Variants in RBFOX1 observed in about 807,000 individuals in gnomAD.
The protein encoded by RBFOX1 is RNA binding protein fox-1 homolog 1.
A neutral mutation model predicts 57.7 loss-of-function variants in RBFOX1; 8 were observed. That is an observed-to-expected ratio of 0.14 (90% CI 0.08 to 0.25). The LOEUF is 0.25. Ranked by LOEUF, RBFOX1 falls within the 10% of genes least tolerant of loss-of-function variation. The pLI is 1.00. For missense variants in RBFOX1, 611 were observed against 548.5 expected (o/e 1.11, Z -1.14); for synonymous variants, 326 against 222.4 (o/e 1.47, Z -4.15).
intron 5 of RBFOX1, among the ~76,000 whole-genome samples, chr16:7,561,578 CAT>C (rs970284962): frequency 3.9e-5 from 6 of 152,160 alleles, no homozygotes. Context: ...TGTTCAGAGA[CAT>C]ATCGGTGTTC....
intron 1 of RBFOX1, among the ~76,000 whole-genome samples, chr16:6,189,536 G>A (rs952362295): frequency 6.6e-6 from 1 of 152,316 alleles, no homozygotes; most frequent in Admixed American, 6.5e-5. Context: ...GATAGCTTAG[G>A]TGCGGGAGCA....
chr16:5,397,470 C>T (rs2066592154), intron 1 of RBFOX1, among the ~76,000 whole-genome samples: 1 of 152,214 alleles, frequency 6.6e-6, no homozygotes, highest in African/African-American at 2.4e-5. Context: ...TGGTACTTGC[C>T]AAGTCTATGG....
chr16:5,755,967 G>C (rs2053379622), intron 3 of RBFOX1, among the ~76,000 whole-genome samples: 1 of 152,150 alleles, frequency 6.6e-6, no homozygotes, highest in Admixed American at 6.5e-5. Flanking sequence ...GGAGCAGGCA[G>C]ACATCACAGT....
intron 14 of RBFOX1, among the ~76,000 whole-genome samples, chr16:7,693,589 A>G (rs1432646628): frequency 2.6e-5 from 4 of 152,138 alleles, no homozygotes; most frequent in Non-Finnish European, 5.9e-5. Context: ...TTCTGGTTTT[A>G]ATAATACATG....
intron 3 of RBFOX1, among the ~76,000 whole-genome samples, chr16:6,744,638 G>T (rs1014246018): frequency 4.6e-5 from 7 of 151,922 alleles, no homozygotes. Context: ...AATAAACAGT[G>T]ACCTGAACAA....
intron 1 of RBFOX1, among the ~76,000 whole-genome samples, chr16:5,251,715 T>C (rs988151285): frequency 1.3e-5 from 2 of 151,844 alleles, no homozygotes; most frequent in Non-Finnish European, 2.9e-5. Context: ...CTGAGGAAAT[T>C]TTCTGGGGTG....
chr16:7,568,028 T>TGACTC (rs2092309539), intron 5 of RBFOX1, among the ~76,000 whole-genome samples: 1 of 151,996 alleles, frequency 6.6e-6, no homozygotes, highest in Non-Finnish European at 1.5e-5. Context: ...GAAACTTAGT[T>TGACTC]GACTCAATAA....
At chr16:6,483,048 A>T in intron 2 of RBFOX1, 1 of 786,420 alleles carries the variant, frequency 1.3e-6, no homozygotes, top group Non-Finnish European at 1.5e-6. Flanking sequence ...GAGCGGCGAG[A>T]TACCGCAGCC....
intron 14 of RBFOX1, among the ~76,000 whole-genome samples, chr16:7,690,807 T>G (rs1301250685): frequency 6.6e-6 from 1 of 152,094 alleles, no homozygotes; most frequent in Non-Finnish European, 1.5e-5. Context: ...ATCAATAGTC[T>G]TAATGTTCAA....
At chr16:6,594,435 TG>T (rs749466010) in intron 2 of RBFOX1, among the ~76,000 whole-genome samples, 3 of 152,116 alleles carry the variant, frequency 2.0e-5, no homozygotes, top group East Asian at 3.9e-4. Context: ...AAGCAGGTGG[TG>T]GGGGGGTCTG....
intron 3 of RBFOX1, among the ~76,000 whole-genome samples, chr16:6,709,283 C>G (rs1051807655): frequency 1.3e-5 from 2 of 152,068 alleles, no homozygotes; most frequent in Non-Finnish European, 2.9e-5. Flanking sequence ...TCTAACTGTG[C>G]AGAAGACAGA....
chr16:5,497,293 A>G (rs928210874), intron 2 of RBFOX1, among the ~76,000 whole-genome samples: 1 of 148,392 alleles, frequency 6.7e-6, no homozygotes, highest in Non-Finnish European at 1.5e-5. Flanking sequence ...TTCTCTCATC[A>G]TGCTGGGTAT....
intron 4 of RBFOX1, among the ~76,000 whole-genome samples, chr16:7,495,161 T>A (rs1599938341): frequency 6.6e-6 from 1 of 152,352 alleles, no homozygotes; most frequent in South Asian, 2.1e-4. Context: ...TTCTGTTTTA[T>A]GGCTGCATAG....
intron 4 of RBFOX1, among the ~76,000 whole-genome samples, chr16:5,976,391 G>C (rs2060063772): frequency 6.6e-6 from 1 of 152,162 alleles, no homozygotes; most frequent in Admixed American, 6.5e-5. Context: ...GTAGAGAAGA[G>C]CGGAATAAAC....
chr16:7,127,386 T>C (rs1222389765), intron 4 of RBFOX1, among the ~76,000 whole-genome samples: 2 of 152,244 alleles, frequency 1.3e-5, no homozygotes, highest in Admixed American at 1.3e-4. Context: ...ACTTATTTGA[T>C]ACTTATTATC....
At chr16:7,410,830 CGTGT>C (rs56755477) in intron 4 of RBFOX1, among the ~76,000 whole-genome samples, 7,109 of 150,352 alleles carry the variant, frequency 0.047, 234 homozygotes, top group African/African-American at 0.085. Flanking sequence ...TGAGTTTTCA[CGTGT>C]GTGTGTGTGT....
At chr16:6,225,656 A>T (rs2097411247) in intron 1 of RBFOX1, among the ~76,000 whole-genome samples, 1 of 152,136 alleles carries the variant, frequency 6.6e-6, no homozygotes, top group Non-Finnish European at 1.5e-5. Context: ...AACTCCACCA[A>T]ATTTGCATAA....
intron 13 of RBFOX1, among the ~76,000 whole-genome samples, chr16:7,672,813 G>A (rs898581989): frequency 8.5e-6 from 1 of 117,410 alleles, no homozygotes; most frequent in African/African-American, 3.3e-5. Flanking sequence ...ATTGCAGTGA[G>A]CCGAGATTGC....
intron 3 of RBFOX1, among the ~76,000 whole-genome samples, chr16:6,866,662 C>A (rs1022318749): frequency 6.7e-6 from 1 of 150,004 alleles, no homozygotes; most frequent in East Asian, 2.0e-4. Context: ...CTGCCTCAGC[C>A]TTCCGAGTAG....
Sources: gnomAD v4.1 joint callset for allele counts (sites outside exome capture counted in the v4.1 genomes callset) on GRCh38, gnomAD v4.1.1 for gene constraint, MANE v1.5 for transcripts, NCBI Gene and HGNC (gene_info 2026-07-23, HGNC 2026-07-21) for gene names.